Variants in ALKAL1 observed in about 807,000 individuals in gnomAD.
ALKAL1 encodes the protein ALK and LTK ligand 1.
In ALKAL1, 23 loss-of-function variants were observed where a neutral mutation model predicts 13.5. The observed-to-expected ratio is 1.70, with a 90% CI of 1.23 to 2.41. The LOEUF is 2.41. ALKAL1 is among the 30% of genes most tolerant of loss of function. The pLI is 0.00. For missense variants in ALKAL1, 181 were observed against 178.4 expected (o/e 1.01, Z -0.08); for synonymous variants, 85 against 77.7 (o/e 1.09, Z -0.49).
chr8:52,565,286 A>C lies in ALKAL1; in HGVS notation c.-30T>G, dbSNP rs1590872637. The C allele has an allele frequency of 7.8e-7, 1 of 1,284,758 alleles. No individual in the cohort carries two copies. The highest frequency in any genetic ancestry group is 9.9e-7 in the Non-Finnish European group (1 of 1,007,952). The allele number at this position is 1,284,758 out of a possible 1,614,324, so 79.6% of individuals were successfully genotyped here. On this transcript the variant is annotated 5_prime_UTR_variant, in exon 1 of 5. Coordinates refer to ENST00000358543, the MANE Select transcript of ALKAL1 (RefSeq NM_207413.4). ...GCAAGCCGGGAGGAGAGAGCGGGAG[A>C]CTCCGGGAGGATCCCGACGCAGGTC...
chr8:52,534,158 A>G lies in ALKAL1; in HGVS notation c.*455T>C, dbSNP rs1001609803. ...ACAAGTTCTAAATAAATGTATTTAA[A>G]TATTAAATAAGAATTATAAAATTTA... On this transcript the variant is annotated 3_prime_UTR_variant, in exon 5 of 5. Coordinates refer to ENST00000358543, the MANE Select transcript of ALKAL1 (RefSeq NM_207413.4). 2 of 152,254 alleles carry G rather than the reference A, an allele frequency of 1.3e-5. No homozygotes were observed. The highest frequency in any genetic ancestry group is 4.8e-5 in the African/African-American group (2 of 41,472). 9.4% of individuals were successfully genotyped at this position (152,254 alleles called of 1,614,324 possible). A position where few individuals can be genotyped will look rare whatever the true frequency, so the allele number is the denominator to read the frequency against.
chr8:52,564,883 C>G (rs1024791872), intron 1 of ALKAL1, among the ~76,000 whole-genome samples, 184 bp downstream of exon 1: 2 of 152,220 alleles, frequency 1.3e-5, no homozygotes, highest in Admixed American at 6.5e-5. Flanking sequence ...TTACTTAACT[C>G]TCAACCGTGG....
chr8:52,538,286 G>A, intron 4 of ALKAL1, 145 bp downstream of exon 4: 2 of 596,440 alleles, frequency 3.4e-6, no homozygotes, highest in Non-Finnish European at 6.0e-6. Context: ...AAGAATAAAT[G>A]TTTGAGGCAT....
rs1198762280 is a variant in ALKAL1 at position 52,556,375 on chromosome 8, C to T, written c.190+8692G>A. ...GAAGATTGGATGGATAGGCCGGGCG[C>T]GGTGGCTCACGCCTGTAATCCCAGC... On this transcript the variant is annotated intron_variant, in intron 1 of 4. Coordinates refer to ENST00000358543, the MANE Select transcript of ALKAL1 (RefSeq NM_207413.4). 7.2e-5 allele frequency among the ~76,000 whole-genome samples: 11 copies of T among 151,898 alleles called. No homozygotes were observed. The East Asian group carries it at 1.2e-3, about 16-fold the overall frequency.
intron 1 of ALKAL1, among the ~76,000 whole-genome samples, chr8:52,561,557 T>G (rs1443815919): frequency 1.3e-5 from 2 of 152,174 alleles, no homozygotes; most frequent in African/African-American, 4.8e-5. Context: ...TCCTGAGAGC[T>G]GCCGAAAGGT....
chr8:52,534,888 A>G (rs1338206838), intron 4 of ALKAL1, among the ~76,000 whole-genome samples: 4 of 152,210 alleles, frequency 2.6e-5, no homozygotes, highest in Non-Finnish European at 4.4e-5. Flanking sequence ...TATCCCTAAC[A>G]TTTATTAATC....
chr8:52,552,210 G>T (rs1847436599), intron 1 of ALKAL1, among the ~76,000 whole-genome samples: 1 of 152,118 alleles, frequency 6.6e-6, no homozygotes, highest in South Asian at 2.1e-4. Flanking sequence ...TTTGAGATTT[G>T]CCTGATGTTT....
At position 52,555,821 on chromosome 8, in the gene ALKAL1, C is replaced by T. The variant is rs556224833; in HGVS notation, c.190+9246G>A. Reference sequence around the variant, plus strand: ...TCCCCGTTCCTCCTTCCTCATGACCCGCCCTGGTGCTTCCCCTGTGGCCTT... The same window carrying T: ...TCCCCGTTCCTCCTTCCTCATGACCTGCCCTGGTGCTTCCCCTGTGGCCTT... On this transcript the variant is annotated intron_variant, in intron 1 of 4. Transcript: ENST00000358543. Among the ~76,000 whole-genome samples, 5 of 152,306 alleles carry T rather than the reference C, an allele frequency of 3.3e-5. No individual in the cohort carries two copies. The South Asian group carries it at 6.2e-4, about 19-fold the overall frequency.
chr8:52,548,783 G>C (rs1847399189), intron 1 of ALKAL1, among the ~76,000 whole-genome samples: 1 of 152,018 alleles, frequency 6.6e-6, no homozygotes, highest in Admixed American at 6.6e-5. Context: ...CATCCAATTT[G>C]TAAAAGTTTC....
chr8:52,543,572 G>A (rs1435248849), intron 1 of ALKAL1, among the ~76,000 whole-genome samples: 5 of 152,226 alleles, frequency 3.3e-5, no homozygotes, highest in Non-Finnish European at 1.5e-5. Context: ...CCCACCATTT[G>A]ACAATGAACA....
intron 1 of ALKAL1, among the ~76,000 whole-genome samples, chr8:52,552,458 G>C (rs189221956): frequency 1.3e-5 from 2 of 152,298 alleles, no homozygotes; most frequent in Admixed American, 6.5e-5. Flanking sequence ...ACTATGCTCA[G>C]CCCACACTTG....
intron 1 of ALKAL1, among the ~76,000 whole-genome samples, chr8:52,547,511 A>G (rs1457866299): frequency 6.6e-6 from 1 of 152,052 alleles, no homozygotes; most frequent in Non-Finnish European, 1.5e-5. Flanking sequence ...AAATAAATAA[A>G]TAAATAAATA....
chr8:52,565,071 G>A lies in ALKAL1; in HGVS notation c.186C>T (p.Ser62=). The change falls in exon 1 of 5, where the codon AGC becomes AGT. Residue 62 remains serine (S), a synonymous_variant. Coordinates refer to ENST00000358543, the MANE Select transcript of ALKAL1 (RefSeq NM_207413.4). Reference sequence around the variant, plus strand: ...GGCGGGATGGGGACATCGTACCTGCGCTCCGGGAGCCGCTGGGAGTCCGGC... The same window carrying A: ...GGCGGGATGGGGACATCGTACCTGCACTCCGGGAGCCGCTGGGAGTCCGGC... ...GAGRTPSGSR[S]AEIFPRDSNL... 2 of 1,398,302 alleles carry A rather than the reference G, an allele frequency of 1.4e-6. No individual in the cohort carries two copies. Among genetic ancestry groups the A allele is most frequent in the Non-Finnish European group, 1.9e-6 (2 of 1,073,844 alleles). 86.6% of individuals were successfully genotyped at this position (1,398,302 alleles called of 1,614,324 possible).
At chr8:52,552,557 C>T (rs1287015158) in intron 1 of ALKAL1, among the ~76,000 whole-genome samples, 1 of 152,166 alleles carries the variant, frequency 6.6e-6, no homozygotes, top group African/African-American at 2.4e-5. Context: ...TGTCTTTTCT[C>T]CTCCAGTTAT....
At chr8:52,538,144 A>G (rs1259234950) in intron 4 of ALKAL1, among the ~76,000 whole-genome samples, 3 of 151,696 alleles carry the variant, frequency 2.0e-5, no homozygotes, top group African/African-American at 7.3e-5. Context: ...GTTAGTGAAT[A>G]TGAACTACAG....
In ALKAL1 at chr8:52,565,086, G is replaced by T. The variant is rs1477243299; in HGVS notation, c.171C>A (p.Pro57=). 3 of 1,412,318 alleles carry T rather than the reference G, an allele frequency of 2.1e-6. No individual in the cohort carries two copies. Among genetic ancestry groups the T allele is most frequent in the Non-Finnish European group, 2.8e-6 (3 of 1,080,212 alleles). 87.5% of individuals were successfully genotyped at this position (1,412,318 alleles called of 1,614,324 possible). The change falls in exon 1 of 5, where the codon CCC becomes CCA. Residue 57 remains proline, a synonymous_variant. Coordinates refer to ENST00000358543, the MANE Select transcript of ALKAL1 (RefSeq NM_207413.4). The part of the protein sequence containing the change: ...FLPAAGAGRT[P]SGSRSAEIFP... ...TCGTACCTGCGCTCCGGGAGCCGCT[G>T]GGAGTCCGGCCGGCCCCGGCCGCGG... is the stretch of plus-strand genomic sequence containing the variant.
chr8:52,549,314 T>C (rs967160189), intron 1 of ALKAL1, among the ~76,000 whole-genome samples: 1 of 151,978 alleles, frequency 6.6e-6, no homozygotes, highest in African/African-American at 2.4e-5. Flanking sequence ...TTACCTTTAT[T>C]ACAGCAGTAC....
chr8:52,544,656 G>A (rs1475386167), intron 1 of ALKAL1, among the ~76,000 whole-genome samples: 1 of 152,096 alleles, frequency 6.6e-6, no homozygotes. Flanking sequence ...GGTAGGATGA[G>A]CAAGTCTAGA....
intron 1 of ALKAL1, among the ~76,000 whole-genome samples, chr8:52,558,205 G>T (rs1372933090): frequency 2.0e-5 from 3 of 147,284 alleles, no homozygotes; most frequent in African/African-American, 7.5e-5. Context: ...TTAATTAGCT[G>T]GGCATGGTGG....
Sources: allele counts gnomAD v4.1 joint callset (sites outside exome capture counted in the v4.1 genomes callset), GRCh38; gene constraint gnomAD v4.1.1; transcripts MANE v1.5; gene names NCBI Gene and HGNC (gene_info 2026-07-23, HGNC 2026-07-21).